Variants in UVRAG observed in about 807,000 individuals in gnomAD.
UVRAG encodes the protein UV radiation resistance-associated gene protein.
In UVRAG, 19 loss-of-function variants were observed where a neutral mutation model predicts 78.0. The ratio of observed to expected loss-of-function variants is 0.24; its 90% CI spans 0.17 to 0.36. The LOEUF (loss-of-function observed/expected upper bound fraction) is 0.36. UVRAG is among the 10% of genes least tolerant of loss of function. The pLI is 1.00. For synonymous variants in UVRAG, 323 were observed against 324.6 expected (o/e 1.00, Z 0.05); for missense variants, 740 against 853.8 (o/e 0.87, Z 1.66).
At chr11:75,905,784 T>G (rs1392007124) in intron 5 of UVRAG, among the ~76,000 whole-genome samples, 1 of 152,236 alleles carries the variant, frequency 6.6e-6, no homozygotes, top group Non-Finnish European at 1.5e-5. Context: ...GTACAACTGT[T>G]TGTTTGAGTC....
At chr11:75,938,098 CATAT>C (rs1047827705) in intron 6 of UVRAG, among the ~76,000 whole-genome samples, 1 of 151,274 alleles carries the variant, frequency 6.6e-6, no homozygotes, top group Non-Finnish European at 1.5e-5. Flanking sequence ...CACACACACA[CATAT>C]ATATATTTTT....
At chr11:75,861,893 G>A in intron 3 of UVRAG, 113 bp downstream of exon 3, 1 of 837,442 alleles carries the variant, frequency 1.2e-6, no homozygotes, top group Non-Finnish European at 1.9e-6. Context: ...TACTTTAACG[G>A]ATCTGCTCAA....
At chr11:76,019,110 C>T (rs1323773910) in intron 12 of UVRAG, among the ~76,000 whole-genome samples, 1 of 152,296 alleles carries the variant, frequency 6.6e-6, no homozygotes, top group South Asian at 2.1e-4. Flanking sequence ...TTGATCAATT[C>T]TGCTATTAAG....
chr11:76,054,755 C>G (rs1358084961), intron 12 of UVRAG, among the ~76,000 whole-genome samples: 1 of 148,384 alleles, frequency 6.7e-6, no homozygotes, highest in African/African-American at 2.6e-5. Context: ...TTTGTCATGT[C>G]TCTCTCACTG....
chr11:75,821,944 T>G (rs1374840120), intron 1 of UVRAG, among the ~76,000 whole-genome samples: 4 of 117,588 alleles, frequency 3.4e-5, no homozygotes, highest in Non-Finnish European at 1.8e-5. Flanking sequence ...TATCACTGTT[T>G]TTTTTTTTTT....
At chr11:75,947,491 A>G (rs1045642418) in intron 6 of UVRAG, among the ~76,000 whole-genome samples, 1 of 152,202 alleles carries the variant, frequency 6.6e-6, no homozygotes, top group African/African-American at 2.4e-5. Context: ...ATCGTAGAAT[A>G]ATGGAAGAGA....
chr11:76,043,700 A>C (rs982497621), intron 12 of UVRAG, among the ~76,000 whole-genome samples: 3 of 152,240 alleles, frequency 2.0e-5, no homozygotes, highest in Admixed American at 6.5e-5. Flanking sequence ...AGAAGTGTAC[A>C]TAGAATTCTG....
At chr11:75,958,321 G>T (rs1948841733) in intron 6 of UVRAG, among the ~76,000 whole-genome samples, 1 of 152,094 alleles carries the variant, frequency 6.6e-6, no homozygotes, top group Non-Finnish European at 1.5e-5. Flanking sequence ...TTCAAAATTG[G>T]AGTCCGTCCT....
At chr11:75,957,448 A>G (rs1255176105) in intron 6 of UVRAG, among the ~76,000 whole-genome samples, 3 of 151,132 alleles carry the variant, frequency 2.0e-5, no homozygotes, top group Non-Finnish European at 4.4e-5. Context: ...ACCACACCAT[A>G]TTGTCTTAAT....
intron 12 of UVRAG, among the ~76,000 whole-genome samples, chr11:76,028,240 T>C (rs775478402): frequency 6.6e-6 from 1 of 152,240 alleles, no homozygotes; most frequent in Middle Eastern, 3.4e-3. Context: ...TAATCAATGT[T>C]GTGTGTGTTC....
chr11:76,013,819 T>C (rs1184398761), intron 11 of UVRAG, among the ~76,000 whole-genome samples: 2 of 152,054 alleles, frequency 1.3e-5, no homozygotes, highest in Non-Finnish European at 2.9e-5. Context: ...CCTTGGGCCC[T>C]GTAATGCTTC....
At chr11:76,129,535 A>G (rs1056401806) in intron 14 of UVRAG, among the ~76,000 whole-genome samples, 1 of 152,186 alleles carries the variant, frequency 6.6e-6, no homozygotes, top group African/African-American at 2.4e-5. Flanking sequence ...CTAAGTGCCC[A>G]TGCGTTTTTC....
At chr11:75,891,548 C>T (rs550837330) in intron 5 of UVRAG, among the ~76,000 whole-genome samples, 2 of 152,236 alleles carry the variant, frequency 1.3e-5, no homozygotes, top group East Asian at 1.9e-4. Context: ...ACCTTATAGC[C>T]AAATCCTCAG....
At chr11:76,125,252 T>G (rs1402504872) in intron 14 of UVRAG, among the ~76,000 whole-genome samples, 4 of 152,192 alleles carry the variant, frequency 2.6e-5, no homozygotes, top group Admixed American at 1.3e-4. Flanking sequence ...CCGGCACCCC[T>G]AATATGAAAA....
At chr11:75,897,675 C>A (rs1423764674) in intron 5 of UVRAG, among the ~76,000 whole-genome samples, 1 of 151,702 alleles carries the variant, frequency 6.6e-6, no homozygotes, top group Admixed American at 6.6e-5. Context: ...AGGCATCCGC[C>A]ACCACACCCA....
At chr11:75,860,895 C>T (rs1946406565) in intron 2 of UVRAG, among the ~76,000 whole-genome samples, 2 of 151,894 alleles carry the variant, frequency 1.3e-5, no homozygotes, top group East Asian at 1.9e-4. Context: ...AAGCAATTCT[C>T]CTGCTTCAGC....
intron 13 of UVRAG, among the ~76,000 whole-genome samples, chr11:76,098,044 TTTTG>T (rs901553723): frequency 8.5e-5 from 13 of 152,204 alleles, no homozygotes; most frequent in East Asian, 1.9e-4. Flanking sequence ...CTCGGATGGT[TTTTG>T]TTTGTTTGTT....
Position 76,140,772 on chromosome 11 carries a change from G to T in UVRAG, c.1459G>T (p.Gly487Cys). 6.2e-7 allele frequency: 1 copy of T among 1,613,130 alleles called. No individual in the cohort carries two copies. The highest frequency in any genetic ancestry group is 1.3e-5 in the African/African-American group (1 of 74,926). Residue 487 changes from glycine to cysteine, a missense_variant, in exon 15 of 15, where the codon GGT becomes TGT. Coordinates refer to ENST00000356136, the MANE Select transcript of UVRAG (RefSeq NM_003369.4). ...VPKRQSSIFG[G>C]ADVGFSGGIP... ...TAAGAGACAAAGCTCCATATTTGGG[G>T]GTGCAGATGTAGGCTTCTCTGGGGG... is the stretch of plus-strand genomic sequence containing the variant.
chr11:76,102,848 A>G (rs1951900768), intron 13 of UVRAG, among the ~76,000 whole-genome samples: 1 of 152,148 alleles, frequency 6.6e-6, no homozygotes, highest in Admixed American at 6.6e-5. Context: ...GCAGGTCAGA[A>G]GCTGGGTGGG....
Sources: gnomAD v4.1 joint callset for allele counts (sites outside exome capture counted in the v4.1 genomes callset) on GRCh38, gnomAD v4.1.1 for gene constraint, MANE v1.5 for transcripts, NCBI Gene and HGNC (gene_info 2026-07-23, HGNC 2026-07-21) for gene names.